The following TAF4B variants were observed in gnomAD, a reference collection of about 807,000 sequenced individuals.
TAF4B encodes the protein transcription initiation factor TFIID subunit 4B.
TAF4B carries 38 observed loss-of-function variants against 86.4 expected under a neutral mutation model. That is an observed-to-expected ratio of 0.44 (90% CI 0.34 to 0.58). The LOEUF is 0.58. TAF4B is among the 20% of genes least tolerant of loss of function. The pLI, the probability that TAF4B is intolerant of heterozygous loss-of-function variation, is 0.02. For synonymous variants in TAF4B, 388 were observed against 391.2 expected, an observed-to-expected ratio of 0.99 and a Z score of 0.10; for missense variants, 988 against 1,027.6, an observed-to-expected ratio of 0.96 and a Z score of 0.53.
chr18:26,334,931 AC>A (rs2057078926), intron 12 of TAF4B, among the ~76,000 whole-genome samples: 1 of 152,058 alleles, frequency 6.6e-6, no homozygotes, highest in Non-Finnish European at 1.5e-5. Flanking sequence ...ACTGGACCTG[AC>A]TGACATCGTT....
At chr18:26,353,993 AT>A (rs751630621) in intron 13 of TAF4B, among the ~76,000 whole-genome samples, 4 of 152,132 alleles carry the variant, frequency 2.6e-5, no homozygotes, top group African/African-American at 2.4e-5. Flanking sequence ...ATTTTGATTA[AT>A]TTTTTTATAA....
chr18:26,388,288 C>T (rs1167215577), intron 14 of TAF4B, among the ~76,000 whole-genome samples: 1 of 152,168 alleles, frequency 6.6e-6, no homozygotes, highest in Non-Finnish European at 1.5e-5. Context: ...TATTGGTAAA[C>T]ATATTCAGAA....
intron 9 of TAF4B, among the ~76,000 whole-genome samples, chr18:26,308,395 T>A (rs992419464): frequency 6.6e-6 from 1 of 152,148 alleles, no homozygotes; most frequent in African/African-American, 2.4e-5. Context: ...TCTGTGTACT[T>A]TAGTGCAGAA....
chr18:26,376,226 CAAAA>C (rs200383120), intron 14 of TAF4B, among the ~76,000 whole-genome samples: 3 of 125,122 alleles, frequency 2.4e-5, no homozygotes, highest in Admixed American at 7.9e-5. Context: ...TAATTTCAAC[CAAAA>C]AAAAAAAAAA....
rs539544466 is a variant in TAF4B at position 26,226,615 on chromosome 18, C to A, written c.-319C>A. ...CTTCCGGGAGCCGCAAGTCCAGGCT[C>A]CCCCGCAGCGGGACCCGAGCCTGAG... On this transcript the variant is annotated 5_prime_UTR_variant, in exon 1 of 15. Transcript: ENST00000269142. 5.2e-5 allele frequency: 13 copies of A among 251,364 alleles called. No individual in the cohort carries two copies. The highest frequency in any genetic ancestry group is 2.4e-4 in the African/African-American group (11 of 45,082). 15.6% of individuals were successfully genotyped at this position (251,364 alleles called of 1,614,324 possible).
At chr18:26,359,173 A>T (rs1297561417) in intron 14 of TAF4B, among the ~76,000 whole-genome samples, 2 of 152,170 alleles carry the variant, frequency 1.3e-5, no homozygotes, top group African/African-American at 2.4e-5. Flanking sequence ...TCATTTCCAC[A>T]GTCTACCTCA....
intron 14 of TAF4B, among the ~76,000 whole-genome samples, chr18:26,379,340 T>G (rs1394740667): frequency 6.6e-6 from 1 of 152,152 alleles, no homozygotes; most frequent in South Asian, 2.1e-4. Context: ...TTAACTTTTA[T>G]GTTATAGGTC....
chr18:26,298,829 G>A (rs1192095027), intron 9 of TAF4B, among the ~76,000 whole-genome samples: 1 of 146,740 alleles, frequency 6.8e-6, no homozygotes, highest in East Asian at 2.0e-4. Flanking sequence ...ACAGGCATGA[G>A]CCACCATGCC....
intron 13 of TAF4B, among the ~76,000 whole-genome samples, chr18:26,353,192 A>C (rs1316512454): frequency 6.6e-6 from 1 of 152,216 alleles, no homozygotes; most frequent in African/African-American, 2.4e-5. Flanking sequence ...TAGCAAATCA[A>C]ATCTACTTTA....
At chr18:26,284,053 C>CA (rs199554921) in intron 6 of TAF4B, among the ~76,000 whole-genome samples, 18,266 of 130,120 alleles carry the variant, frequency 0.14, 1,323 homozygotes, top group Non-Finnish European at 0.18. Context: ...GACTCCGTCT[C>CA]AAAAAAAAAA....
At chr18:26,328,820 A>G (rs1232218367) in intron 12 of TAF4B, among the ~76,000 whole-genome samples, 5 of 151,844 alleles carry the variant, frequency 3.3e-5, no homozygotes, top group African/African-American at 4.8e-5. Context: ...GGGTTTCACC[A>G]TGTTGCCCAG....
chr18:26,292,328 G>T lies in TAF4B; in HGVS notation c.1673G>T (p.Gly558Val). Residue 558 changes from glycine (G) to valine (V), a missense_variant, in exon 8 of 15, where the codon GGA (glycine) becomes GTA (valine). By Grantham distance (109) the Gly-to-Val change is moderately radical (BLOSUM62 -3). Transcript: ENST00000269142. ...HSSTLTIQKC[G>V]QKTMPVNTII... The stretch of plus-strand genomic sequence containing the variant: ...TCAACATTGACCATTCAGAAATGTG[G>T]ACAGAAGACGATGCCAGTGAACACC... The T allele has an allele frequency of 2.5e-6, 4 of 1,614,142 alleles. No homozygotes were observed. The highest frequency in any genetic ancestry group is 2.5e-6 in the Non-Finnish European group (3 of 1,180,008).
intron 13 of TAF4B, among the ~76,000 whole-genome samples, chr18:26,338,968 T>G (rs2057114858): frequency 6.6e-6 from 1 of 152,220 alleles, no homozygotes; most frequent in African/African-American, 2.4e-5. Context: ...ACAGACTGCC[T>G]TTGGGTTGGC....
At chr18:26,368,244 A>G (rs1203535905) in intron 14 of TAF4B, among the ~76,000 whole-genome samples, 2 of 152,182 alleles carry the variant, frequency 1.3e-5, no homozygotes, top group African/African-American at 4.8e-5. Context: ...AGTAGGTGTC[A>G]TTTTCTTTAC....
chr18:26,295,570 G>C (rs749497194), intron 9 of TAF4B, among the ~76,000 whole-genome samples: 1 of 152,178 alleles, frequency 6.6e-6, no homozygotes. Context: ...AGTAATGCTC[G>C]CTTGCGCACC....
chr18:26,386,989 A>G (rs527385397), intron 14 of TAF4B, among the ~76,000 whole-genome samples: 1 of 152,270 alleles, frequency 6.6e-6, no homozygotes, highest in Non-Finnish European at 1.5e-5. Context: ...TAGAAGATTT[A>G]TAAACATATA....
intron 13 of TAF4B, among the ~76,000 whole-genome samples, chr18:26,336,747 G>C (rs960892443): frequency 3.9e-5 from 6 of 152,154 alleles, no homozygotes; most frequent in Non-Finnish European, 7.4e-5. Flanking sequence ...ATCCCACCTT[G>C]TTTTAATTAA....
At position 26,327,630 on chromosome 18, in the gene TAF4B, G is replaced by A. The variant is rs185238175; in HGVS notation, c.2259+490G>A. The stretch of plus-strand genomic sequence containing the variant: ...CTGTCACCCAGGCTGGAATGCAGTG[G>A]CATGATCTCGGCTTACTGCAACCTC... On this transcript the variant is annotated intron_variant, in intron 12 of 14. Transcript: ENST00000269142. 4.6e-5 allele frequency among the ~76,000 whole-genome samples: 7 copies of A among 152,308 alleles called. No individual in the cohort carries two copies. The East Asian group carries it at 1.4e-3, about 29-fold the overall frequency.
At chr18:26,373,569 A>AGT (rs2057420953) in intron 14 of TAF4B, among the ~76,000 whole-genome samples, 1 of 152,204 alleles carries the variant, frequency 6.6e-6, no homozygotes, top group African/African-American at 2.4e-5. Flanking sequence ...TTCCTCTTAA[A>AGT]GTGAACTAGT....
Sources: allele counts gnomAD v4.1 joint callset (sites outside exome capture counted in the v4.1 genomes callset), GRCh38; gene constraint gnomAD v4.1.1; transcripts MANE v1.5; gene names NCBI Gene and HGNC (gene_info 2026-07-23, HGNC 2026-07-21).